The following SRBD1 variants were observed in gnomAD, a reference collection of about 807,000 sequenced individuals.
The protein encoded by SRBD1 is S1 RNA-binding domain-containing protein 1.
In SRBD1, 88 loss-of-function variants were observed where a neutral mutation model predicts 115.3. That is an observed-to-expected ratio of 0.76 (90% CI 0.64 to 0.91). The LOEUF is 0.91. SRBD1 is among the 40% of genes least tolerant of loss of function. The pLI is 0.00. For synonymous variants in SRBD1, 509 were observed against 407.7 expected (o/e 1.25, Z -2.99); for missense variants, 1,385 against 1,177.4 (o/e 1.18, Z -2.58).
intron 4 of SRBD1, 127 bp downstream of exon 4, chr2:45,599,321 GA>G: frequency 7.5e-7 from 1 of 1,339,886 alleles, no homozygotes; most frequent in African/African-American, 1.5e-5. Context: ...AAAGCCTCCA[GA>G]AATCACTGGC....
In SRBD1 at chr2:45,486,036, A is replaced by G. The variant is rs75936690; in HGVS notation, c.1966+2204T>C. On this transcript the variant is annotated intron_variant, in intron 15 of 20. Coordinates refer to ENST00000263736, the MANE Select transcript of SRBD1 (RefSeq NM_018079.5). ...GATACTTAAAATGAATCACACACTG[A>G]TGACACAGCTAGACTTTGAAATTAG... is the stretch of plus-strand genomic sequence containing the variant. 7.9e-3 allele frequency among the ~76,000 whole-genome samples: 1,203 copies of G among 152,336 alleles called. 19 individuals carry two copies. Among genetic ancestry groups the G allele is most frequent in the African/African-American group, 0.028 (1,146 of 41,570 alleles).
At chr2:45,596,099 G>C (rs891708125) in intron 4 of SRBD1, among the ~76,000 whole-genome samples, 2 of 152,194 alleles carry the variant, frequency 1.3e-5, no homozygotes, top group Non-Finnish European at 2.9e-5. Context: ...AATAGTTCTT[G>C]TGCCTTTAAA....
intron 16 of SRBD1, among the ~76,000 whole-genome samples, chr2:45,440,065 C>T (rs797019202): frequency 9.2e-5 from 14 of 152,236 alleles, no homozygotes; most frequent in African/African-American, 3.4e-4. Context: ...CTCAGCATAG[C>T]TTCTGTAGAC....
At chr2:45,520,449 G>A (rs1235434109) in intron 14 of SRBD1, among the ~76,000 whole-genome samples, 1 of 152,206 alleles carries the variant, frequency 6.6e-6, no homozygotes, top group Non-Finnish European at 1.5e-5. Context: ...ATTTGCTACA[G>A]ACAGGAGACA....
intron 16 of SRBD1, among the ~76,000 whole-genome samples, chr2:45,465,827 T>C (rs1301304835): frequency 1.3e-5 from 2 of 152,340 alleles, no homozygotes; most frequent in South Asian, 2.1e-4. Flanking sequence ...ATTTTCTTGA[T>C]TTTAAATGAA....
intron 19 of SRBD1, among the ~76,000 whole-genome samples, chr2:45,397,674 G>A (rs1039102222): frequency 2.0e-5 from 3 of 152,328 alleles, no homozygotes; most frequent in African/African-American, 7.2e-5. Flanking sequence ...TGCAATCACA[G>A]CTCACTGTAG....
intron 16 of SRBD1, among the ~76,000 whole-genome samples, chr2:45,456,166 A>G (rs1669146573): frequency 1.3e-5 from 2 of 151,930 alleles, no homozygotes; most frequent in East Asian, 3.9e-4. Context: ...ACTTCTGCTT[A>G]TTTCATTTTC....
chr2:45,432,261 T>C (rs1668364103), intron 16 of SRBD1, among the ~76,000 whole-genome samples: 1 of 152,096 alleles, frequency 6.6e-6, no homozygotes, highest in Non-Finnish European at 1.5e-5. Context: ...ACTCCCGACC[T>C]CAGGTGATCC....
intron 9 of SRBD1, among the ~76,000 whole-genome samples, chr2:45,565,539 G>T (rs1008261957): frequency 6.6e-6 from 1 of 151,988 alleles, no homozygotes; most frequent in South Asian, 2.1e-4. Context: ...ATTAAAAAAG[G>T]AGAAAATTTT....
chr2:45,490,390 AC>A (rs1267530521), intron 14 of SRBD1, among the ~76,000 whole-genome samples: 1 of 152,038 alleles, frequency 6.6e-6, no homozygotes, highest in African/African-American at 2.4e-5. Flanking sequence ...TAAATTCGTG[AC>A]CCCCAAAAAG....
intron 14 of SRBD1, among the ~76,000 whole-genome samples, chr2:45,499,499 T>C (rs536861614): frequency 6.6e-6 from 1 of 152,190 alleles, no homozygotes; most frequent in South Asian, 2.1e-4. Context: ...GCTTTTTAGC[T>C]TGATGTAATC....
At chr2:45,464,570 G>A (rs1429826183) in intron 16 of SRBD1, among the ~76,000 whole-genome samples, 1 of 152,168 alleles carries the variant, frequency 6.6e-6, no homozygotes, top group African/African-American at 2.4e-5. Context: ...ACAAAGAAGG[G>A]AAAGAATGTG....
At chr2:45,432,003 GTATTTATTTATT>G (rs3047186) in intron 16 of SRBD1, among the ~76,000 whole-genome samples, 119 of 142,932 alleles carry the variant, frequency 8.3e-4, no homozygotes, top group Middle Eastern at 3.6e-3. Context: ...AGAGTTAAAA[GTATTTATTTATT>G]TATTTATTTA....
Position 45,581,794 on chromosome 2 carries a change from C to G in SRBD1, c.832G>C (p.Val278Leu). ...TTAATTTTCTGGATTGTACTATGAACTTTCTTTGCAACAGCCCTGAAAAGA... is the reference window on the plus strand; with the variant it reads ...TTAATTTTCTGGATTGTACTATGAAGTTTCTTTGCAACAGCCCTGAAAAGA... ...LEELRAVAKK[V>L]HSTIQKIKKE... Residue 278 changes from valine (V) to leucine (L), a missense_variant, in exon 6 of 21, where the codon GTT (valine) becomes CTT (leucine). Coordinates refer to ENST00000263736, the MANE Select transcript of SRBD1 (RefSeq NM_018079.5). 1 of 1,612,660 alleles carries G rather than the reference C, an allele frequency of 6.2e-7. No individual in the cohort carries two copies. The highest frequency in any genetic ancestry group is 8.5e-7 in the Non-Finnish European group (1 of 1,179,516).
intron 19 of SRBD1, among the ~76,000 whole-genome samples, chr2:45,393,389 TTTG>T (rs1215902899): frequency 3.3e-5 from 5 of 152,146 alleles, no homozygotes; most frequent in Non-Finnish European, 5.9e-5. Flanking sequence ...AAAACATTTT[TTTG>T]TTGTTGTTGA....
At chr2:45,603,022 A>G (rs560721337) in intron 2 of SRBD1, among the ~76,000 whole-genome samples, 8 of 152,332 alleles carry the variant, frequency 5.3e-5, no homozygotes, top group Non-Finnish European at 7.3e-5. Flanking sequence ...TCAGAATAAC[A>G]TAACAGCAGT....
intron 16 of SRBD1, 85 bp downstream of exon 16, chr2:45,476,906 CCA>C: frequency 8.1e-7 from 1 of 1,229,910 alleles, no homozygotes. Flanking sequence ...GAATCTACTC[CCA>C]CAGACACTTA....
intron 19 of SRBD1, among the ~76,000 whole-genome samples, chr2:45,397,588 A>C (rs1218063172): frequency 6.6e-6 from 1 of 152,152 alleles, no homozygotes; most frequent in Non-Finnish European, 1.5e-5. Context: ...ACTGCATTTT[A>C]ATCATCACTG....
intron 11 of SRBD1, among the ~76,000 whole-genome samples, chr2:45,552,829 T>C (rs949539612): frequency 6.6e-6 from 1 of 152,206 alleles, no homozygotes; most frequent in African/African-American, 2.4e-5. Context: ...GCTCACTCCC[T>C]GCTCTGAACC....
Sources: gnomAD v4.1 joint callset for allele counts (sites outside exome capture counted in the v4.1 genomes callset) on GRCh38, gnomAD v4.1.1 for gene constraint, MANE v1.5 for transcripts, NCBI Gene and HGNC (gene_info 2026-07-23, HGNC 2026-07-21) for gene names.